NEGR1: variants seen among roughly 807,000 people sequenced by gnomAD.
NEGR1 encodes the protein IgLON family member 4.
A neutral mutation model predicts 40.9 loss-of-function variants in NEGR1; 10 were observed. The ratio of observed to expected loss-of-function variants is 0.24; its 90% CI spans 0.15 to 0.42. The LOEUF (loss-of-function observed/expected upper bound fraction) is 0.42. Ranked by LOEUF, NEGR1 falls within the 10% of genes least tolerant of loss-of-function variation. The pLI is 1.00. For missense variants in NEGR1, 352 were observed against 438.9 expected (o/e 0.80, Z 1.77); for synonymous variants, 185 against 166.8 (o/e 1.11, Z -0.84).
rs117925638 is a variant in NEGR1, at chr1:71,584,553, A to G, written c.940+8264T>C. On this transcript the variant is annotated intron_variant, in intron 6 of 6. Transcript: ENST00000357731. The stretch of plus-strand genomic sequence containing the variant: ...AGGGGTCACATTTCCATTTTCAGAG[A>G]AAGAAATCACAGCACAGAAGCGAAG... Among the ~76,000 whole-genome samples, 275 of 152,258 alleles carry G rather than the reference A, an allele frequency of 1.8e-3. 3 individuals carry two copies. In the East Asian group the frequency reaches 0.034, roughly 19 times the overall value.
chr1:71,870,241 C>T (rs1010627447), intron 2 of NEGR1, among the ~76,000 whole-genome samples: 6 of 152,044 alleles, frequency 3.9e-5, no homozygotes, highest in African/African-American at 1.4e-4. Flanking sequence ...ACAGTCAAAC[C>T]AAATCACTTG....
chr1:71,466,633 G>A (rs1330622029), intron 6 of NEGR1, among the ~76,000 whole-genome samples: 1 of 152,108 alleles, frequency 6.6e-6, no homozygotes, highest in East Asian at 1.9e-4. Context: ...AAAGAGTCAT[G>A]TGGTATTTGG....
At chr1:71,545,684 T>A (rs1436752077) in intron 6 of NEGR1, among the ~76,000 whole-genome samples, 2 of 151,616 alleles carry the variant, frequency 1.3e-5, no homozygotes, top group African/African-American at 2.4e-5. Flanking sequence ...TTTCTATGGA[T>A]CTGATAAGCG....
At chr1:71,747,818 A>G (rs1655437351) in intron 3 of NEGR1, among the ~76,000 whole-genome samples, 1 of 124,936 alleles carries the variant, frequency 8.0e-6, no homozygotes, top group Non-Finnish European at 1.7e-5. Flanking sequence ...TTCCACCCAT[A>G]CCCCATCCTT....
chr1:71,964,032 A>G (rs1013926659), intron 1 of NEGR1, among the ~76,000 whole-genome samples: 4 of 152,190 alleles, frequency 2.6e-5, no homozygotes, highest in African/African-American at 7.2e-5. Context: ...TCCTCAAAAT[A>G]TACCTTGAAT....
At chr1:72,147,426 G>A (rs1650950698) in intron 1 of NEGR1, among the ~76,000 whole-genome samples, 1 of 152,034 alleles carries the variant, frequency 6.6e-6, no homozygotes, top group Admixed American at 6.6e-5. Context: ...GAAAAGGCCA[G>A]CCCCCATGAT....
At chr1:71,600,597 T>TG (rs1366049736) in intron 5 of NEGR1, among the ~76,000 whole-genome samples, 4 of 152,118 alleles carry the variant, frequency 2.6e-5, no homozygotes, top group Non-Finnish European at 4.4e-5. Flanking sequence ...TGAAGAGGCC[T>TG]GAAAGAGAGA....
chr1:71,684,863 A>T (rs1266967931), intron 4 of NEGR1, among the ~76,000 whole-genome samples: 1 of 152,230 alleles, frequency 6.6e-6, no homozygotes, highest in African/African-American at 2.4e-5. Flanking sequence ...AGGGAAGATT[A>T]CTAGGCTTTG....
chr1:71,597,870 G>A (rs2101528220), intron 5 of NEGR1, among the ~76,000 whole-genome samples: 1 of 151,998 alleles, frequency 6.6e-6, no homozygotes, highest in East Asian at 1.9e-4. Context: ...CCGAAATCCT[G>A]CCACTGCACT....
intron 4 of NEGR1, among the ~76,000 whole-genome samples, chr1:71,653,106 CTT>C (rs5775079): frequency 6.6e-6 from 1 of 151,874 alleles, no homozygotes; most frequent in Non-Finnish European, 1.5e-5. Context: ...GTTTTCTTCA[CTT>C]TTTTTGTATT....
At chr1:71,771,435 C>T (rs1656318452) in intron 3 of NEGR1, among the ~76,000 whole-genome samples, 1 of 151,960 alleles carries the variant, frequency 6.6e-6, no homozygotes, top group African/African-American at 2.4e-5. Context: ...TACCCCAGAA[C>T]TTAAAGTATC....
At chr1:72,231,154 C>G (rs968245928) in intron 1 of NEGR1, among the ~76,000 whole-genome samples, 1 of 152,164 alleles carries the variant, frequency 6.6e-6, no homozygotes, top group Admixed American at 6.6e-5. Context: ...TGTCACTGTA[C>G]TTTTACTCGT....
intron 6 of NEGR1, among the ~76,000 whole-genome samples, chr1:71,481,851 G>A (rs1389205250): frequency 6.6e-6 from 1 of 151,604 alleles, no homozygotes; most frequent in Non-Finnish European, 1.5e-5. Context: ...TCACTTTTTA[G>A]GCTAAAGTTA....
intron 2 of NEGR1, among the ~76,000 whole-genome samples, chr1:71,802,632 A>G (rs1179376990): frequency 2.0e-5 from 3 of 152,202 alleles, no homozygotes; most frequent in Admixed American, 2.0e-4. Context: ...CTGCTGCCTT[A>G]TTGGGCCTGG....
intron 1 of NEGR1, among the ~76,000 whole-genome samples, chr1:72,219,480 T>G (rs1337550427): frequency 6.6e-6 from 1 of 152,058 alleles, no homozygotes; most frequent in Admixed American, 6.6e-5. Context: ...ACTATTTTAT[T>G]TTTAGTTTGA....
intron 1 of NEGR1, among the ~76,000 whole-genome samples, chr1:72,186,166 T>C (rs1021095527): frequency 1.3e-5 from 2 of 151,728 alleles, no homozygotes; most frequent in Non-Finnish European, 3.0e-5. Flanking sequence ...ACTTGGAAAA[T>C]ATCATGTAAC....
intron 4 of NEGR1, among the ~76,000 whole-genome samples, chr1:71,633,028 A>G (rs940741079): frequency 6.6e-6 from 1 of 152,114 alleles, no homozygotes; most frequent in African/African-American, 2.4e-5. Flanking sequence ...ATATAACTGC[A>G]TATGTCTTTA....
intron 1 of NEGR1, among the ~76,000 whole-genome samples, chr1:72,130,913 G>T (rs1650222615): frequency 6.6e-6 from 1 of 152,140 alleles, no homozygotes. Flanking sequence ...AAGAAAAATG[G>T]AGGGAAGGAT....
chr1:72,181,255 A>G (rs1395126260), intron 1 of NEGR1, among the ~76,000 whole-genome samples: 11 of 152,144 alleles, frequency 7.2e-5, no homozygotes, highest in Admixed American at 7.2e-4. Context: ...ACTGTACTTC[A>G]GATAATAACC....
Sources: gnomAD v4.1 joint callset for allele counts (sites outside exome capture counted in the v4.1 genomes callset) on GRCh38, gnomAD v4.1.1 for gene constraint, MANE v1.5 for transcripts, NCBI Gene and HGNC (gene_info 2026-07-23, HGNC 2026-07-21) for gene names.